Variants in DLG5 observed in about 807,000 individuals in gnomAD.
The protein encoded by DLG5 is disks large homolog 5.
DLG5 carries 48 observed loss-of-function variants against 189.8 expected under a neutral mutation model. That is an observed-to-expected ratio of 0.25 (90% CI 0.20 to 0.32). The LOEUF (loss-of-function observed/expected upper bound fraction) is 0.32. Ranked by LOEUF, DLG5 falls within the 10% of genes least tolerant of loss-of-function variation. The probability of loss-of-function intolerance (pLI) is 1.00; values close to 1 mark genes in which losing one functional copy is unlikely to be tolerated. For synonymous variants in DLG5, 1,016 were observed against 1,054.1 expected (o/e 0.96, Z 0.70); for missense variants, 2,160 against 2,544.7 (o/e 0.85, Z 3.25).
rs942586717 is a variant in DLG5 at position 77,854,316 on chromosome 10, T to C, written c.591A>G (p.Arg197=). 3 of 1,614,058 alleles carry C rather than the reference T, an allele frequency of 1.9e-6. No homozygotes were observed. In the African/African-American group the frequency reaches 4.0e-5, roughly 22 times the overall value. Residue 197 remains arginine, a synonymous_variant, in exon 4 of 32, where the codon CGA becomes CGG. Coordinates refer to ENST00000372391, the MANE Select transcript of DLG5 (RefSeq NM_004747.4). ...DYERLKIQCV[R]AMSDLQSLQN... is the part of the protein sequence containing the mutation. ...GCAGGCTCTGCAGGTCCGACATGGC[T>C]CGCACGCACTGGATCTTCAGCCTCT...
intron 27 of DLG5, among the ~76,000 whole-genome samples, chr10:77,803,506 A>T (rs1235714321): frequency 6.6e-6 from 1 of 152,256 alleles, no homozygotes; most frequent in African/African-American, 2.4e-5. Context: ...TGCCAAAGAT[A>T]ACCAAAAGAA....
At chr10:77,807,316 C>T (rs568484422) in intron 25 of DLG5, among the ~76,000 whole-genome samples, 2 of 152,222 alleles carry the variant, frequency 1.3e-5, no homozygotes, top group South Asian at 2.1e-4. Flanking sequence ...GGAGTTGTAC[C>T]GCATCAGTGT....
intron 16 of DLG5, 36 bp downstream of exon 16, chr10:77,819,859 C>T (rs772742809): frequency 1.6e-5 from 24 of 1,519,220 alleles, no homozygotes; most frequent in Middle Eastern, 1.8e-4. Context: ...GAGTTTACAC[C>T]GACCCTCAGC....
chr10:77,907,287 G>C (rs993617831), intron 1 of DLG5, among the ~76,000 whole-genome samples: 3 of 152,118 alleles, frequency 2.0e-5, no homozygotes, highest in African/African-American at 7.2e-5. Flanking sequence ...TCATAAGAAT[G>C]AAAATAACTG....
chr10:77,938,503 G>A, the DLG5 span, among the ~76,000 whole-genome samples: 1 of 152,154 alleles, frequency 6.6e-6, no homozygotes, highest in Non-Finnish European at 1.5e-5. Context: ...GAGATTACTT[G>A]TTTTGGGTAT....
chr10:77,841,776 C>T (rs772965908), intron 7 of DLG5, 105 bp downstream of exon 7: 2 of 1,351,542 alleles, frequency 1.5e-6, no homozygotes, highest in Non-Finnish European at 2.0e-6. Context: ...AAGCCATTTA[C>T]TCCAACTCAG....
chr10:77,884,496 C>T (rs1845379211), intron 1 of DLG5, among the ~76,000 whole-genome samples: 1 of 152,038 alleles, frequency 6.6e-6, no homozygotes, highest in African/African-American at 2.4e-5. Context: ...ATCCCCGGAG[C>T]ACATTGTTTC....
chr10:77,828,857 C>T (rs764046932), intron 13 of DLG5, 25 bp downstream of exon 13: 8 of 1,601,128 alleles, frequency 5.0e-6, no homozygotes, highest in Non-Finnish European at 6.8e-6. Flanking sequence ...CGGCAGATGA[C>T]CCTGGCTCCA....
intron 27 of DLG5, among the ~76,000 whole-genome samples, chr10:77,801,237 G>A (rs1368332518): frequency 1.3e-5 from 2 of 152,170 alleles, no homozygotes; most frequent in Non-Finnish European, 2.9e-5. Context: ...GATGACAAGA[G>A]GGAAAGTCTC....
At chr10:77,905,738 G>C (rs1846054372) in intron 1 of DLG5, among the ~76,000 whole-genome samples, 1 of 152,122 alleles carries the variant, frequency 6.6e-6, no homozygotes, top group African/African-American at 2.4e-5. Context: ...GACAGCACTA[G>C]GATGGGAAAG....
chr10:77,934,371 CAAAAAA>C, the DLG5 span, among the ~76,000 whole-genome samples: 590 of 96,310 alleles, frequency 6.1e-3, 4 homozygotes, highest in African/African-American at 0.023. Flanking sequence ...AACTCCATCT[CAAAAAA>C]AAAAAAAAAA....
chr10:77,831,137 G>T (rs1842877862), intron 9 of DLG5, among the ~76,000 whole-genome samples: 2 of 152,190 alleles, frequency 1.3e-5, no homozygotes, highest in Admixed American at 1.3e-4. Context: ...GGGCACAGTG[G>T]TTCATGCCTG....
intron 13 of DLG5, 93 bp from the exon 14 acceptor site, chr10:77,824,569 C>T (rs1178029913): frequency 1.9e-5 from 19 of 1,003,094 alleles, no homozygotes; most frequent in Non-Finnish European, 2.7e-5. Flanking sequence ...CTGTGCTAGA[C>T]AGTCACCAAA....
chr10:77,821,383 G>A lies in DLG5; in HGVS notation c.3101C>T (p.Ser1034Leu), dbSNP rs768608372. 6 of 1,612,488 alleles carry A rather than the reference G, an allele frequency of 3.7e-6. No individual in the cohort carries two copies. Among genetic ancestry groups the A allele is most frequent in the Non-Finnish European group, 5.1e-6 (6 of 1,179,932 alleles). Residue 1034 changes from serine (S) to leucine (L), a missense_variant, in exon 15 of 32, where the codon TCA becomes TTA. Ser to Leu is a moderately radical substitution (Grantham distance 145). This residue lies in a region of DLG5 where 754 missense variants were observed against 746.5 expected (regional missense o/e 1.01). Coordinates refer to ENST00000372391, the MANE Select transcript of DLG5 (RefSeq NM_004747.4). ...FQHRLETSSE[S>L]EATLVGSSPS... Reference sequence around the variant, plus strand: ...GGAGCTGCCCACCAGAGTGGCTTCTGACTCGGAGCTAGTCTCCAGCCTGTG... The same window carrying A: ...GGAGCTGCCCACCAGAGTGGCTTCTAACTCGGAGCTAGTCTCCAGCCTGTG...
Position 77,819,393 on chromosome 10 carries a change from C to A in DLG5, c.3599G>T (p.Arg1200Leu), listed in dbSNP as rs746286734. ...SILRNPIYTV[R>L]SHRVGPCSSP... ...GCTGCAGGGGCCGACCCTGTGACTG[C>A]GCACAGTGTAGATGGGGTTCCGCAG... Residue 1200 changes from arginine (R) to leucine (L), a missense_variant, in exon 17 of 32, where the codon CGC (arginine) becomes CTC (leucine). Around this residue, in one of 5 missense-constraint regions of DLG5, gnomAD observed 754 missense variants for 746.5 expected, o/e 1.01. Coordinates refer to ENST00000372391, the MANE Select transcript of DLG5 (RefSeq NM_004747.4). The A allele has an allele frequency of 6.2e-7, 1 of 1,614,042 alleles. No individual in the cohort carries two copies. The highest frequency in any genetic ancestry group is 1.1e-5 in the South Asian group (1 of 91,066).
chr10:77,927,032 C>T (rs1301895135), upstream of DLG5: 2 of 266,974 alleles, frequency 7.5e-6, no homozygotes, highest in South Asian at 3.1e-5. Flanking sequence ...GGCCCCCGTG[C>T]ACCCCGGCCC....
chr10:77,820,216 G>T (rs1842272669), intron 15 of DLG5, 198 bp from the exon 16 acceptor site: 1 of 627,296 alleles, frequency 1.6e-6, no homozygotes, highest in East Asian at 3.5e-5. Flanking sequence ...CATGGTAGTG[G>T]GTGCCTGTAA....
the DLG5 span, among the ~76,000 whole-genome samples, chr10:77,936,367 G>A: frequency 8.0e-5 from 12 of 149,548 alleles, no homozygotes; most frequent in African/African-American, 3.0e-4. Context: ...GAACCAGGAA[G>A]TTGGAGGTTG....
intron 18 of DLG5, 86 bp from the exon 19 acceptor site, chr10:77,817,182 T>C: frequency 2.4e-6 from 3 of 1,240,436 alleles, no homozygotes; most frequent in Non-Finnish European, 3.6e-6. Context: ...CCAGTCAGGA[T>C]AATAAATGCA....
Sources: allele counts gnomAD v4.1 joint callset (sites outside exome capture counted in the v4.1 genomes callset), GRCh38; gene constraint gnomAD v4.1.1; regional missense constraint gnomAD v4.1.1; transcripts MANE v1.5; gene names NCBI Gene and HGNC (gene_info 2026-07-23, HGNC 2026-07-21).